Variants in SPTBN4 observed in about 807,000 individuals in gnomAD.
The protein encoded by SPTBN4 is spectrin beta, non-erythrocytic 4.
A neutral mutation model predicts 277.8 loss-of-function variants in SPTBN4; 96 were observed. That is an observed-to-expected ratio of 0.35 (90% confidence interval 0.29 to 0.41). The LOEUF (loss-of-function observed/expected upper bound fraction) is 0.41. Among genes scored for constraint, SPTBN4 ranks in the 10% least tolerant of loss-of-function variants. SPTBN4 has a pLI of 1.00. For missense variants in SPTBN4, 3,006 were observed against 3,595.7 expected, an observed-to-expected ratio of 0.84 and a Z score of 4.19; for synonymous variants, 1,481 against 1,580.3, an observed-to-expected ratio of 0.94 and a Z score of 1.49.
intron 22 of SPTBN4, among the ~76,000 whole-genome samples, chr19:40,552,161 T>C (rs2080924757): frequency 6.6e-6 from 1 of 151,290 alleles, no homozygotes; most frequent in Non-Finnish European, 1.5e-5. Flanking sequence ...CTACTAAAAA[T>C]GCAAAAAATT....
At chr19:40,541,278 G>C (rs970842951) in intron 20 of SPTBN4, among the ~76,000 whole-genome samples, 1 of 152,212 alleles carries the variant, frequency 6.6e-6, no homozygotes, top group Non-Finnish European at 1.5e-5. Flanking sequence ...GTTCAAGGGA[G>C]GGGCTGAAGC....
intron 2 of SPTBN4, among the ~76,000 whole-genome samples, chr19:40,474,462 A>T (rs1200257585): frequency 6.9e-6 from 1 of 145,030 alleles, no homozygotes; most frequent in Non-Finnish European, 1.5e-5. Context: ...TCAGGGTCTC[A>T]CTCTTCACCC....
chr19:40,511,374 C>T (rs2080389364), intron 13 of SPTBN4, among the ~76,000 whole-genome samples: 1 of 152,158 alleles, frequency 6.6e-6, no homozygotes, highest in Admixed American at 6.5e-5. Flanking sequence ...AGCCATTGCA[C>T]TCCAGCCCAG....
At position 40,519,550 on chromosome 19, in the gene SPTBN4, G is replaced by A; in HGVS notation, c.3053G>A (p.Gly1018Asp). The A allele has an allele frequency of 1.3e-6, 2 of 1,571,010 alleles. No individual in the cohort carries two copies. The highest frequency in any genetic ancestry group is 2.8e-5 in the African/African-American group (2 of 72,408). The change falls in exon 16 of 36, where the codon GGC (glycine) becomes GAC (aspartate). Residue 1018 changes from glycine to aspartate, a missense_variant. This residue lies in a region of SPTBN4 where 1,759 missense variants were observed against 2,061.5 expected (regional missense o/e 0.85). Coordinates refer to ENST00000598249, the MANE Select transcript of SPTBN4 (RefSeq NM_020971.3). The surrounding 1 kb of genome is among the most constrained non-coding windows in gnomAD (Gnocchi z 5.7). ...GTGGAGAGCGCGCCCCGGGCCGGCG[G>A]CGCCCTGCAGTGGCGTCTTAGCGGC... ...RAVESAPRAG[G>D]ALQWRLSGLE...
Position 40,572,486 on chromosome 19 carries a change from A to G in SPTBN4, c.7536+106A>G, listed in dbSNP as rs904853727. On this transcript the variant is annotated intron_variant, in intron 35 of 35. Coordinates refer to ENST00000598249, the MANE Select transcript of SPTBN4 (RefSeq NM_020971.3). ...CTGTGAGAAGGGACACTCACAGGCC[A>G]GAGTTATCAGGGCTGTAATGGGAAA... The G allele has an allele frequency of 1.6e-5, 22 of 1,384,084 alleles. No individual in the cohort carries two copies. The African/African-American group carries it at 2.7e-4, about 17-fold the overall frequency. 85.7% of individuals were successfully genotyped at this position (1,384,084 alleles called of 1,614,324 possible).
intron 1 of SPTBN4, among the ~76,000 whole-genome samples, chr19:40,467,636 G>C (rs1262146091): frequency 1.6e-5 from 2 of 125,070 alleles, no homozygotes; most frequent in African/African-American, 3.1e-5. Flanking sequence ...GGGGGGGGGG[G>C]TGTTGGGGGG....
In SPTBN4 at chr19:40,554,224, G is replaced by T. The variant is rs1038457189; in HGVS notation, c.4752G>T (p.Leu1584=). 4 of 1,507,248 alleles carry T rather than the reference G, an allele frequency of 2.7e-6. No homozygotes were observed. Among genetic ancestry groups the T allele is most frequent in the Non-Finnish European group, 3.5e-6 (4 of 1,137,290 alleles). The allele number at this position is 1,507,248 out of a possible 1,614,324, so 93.4% of individuals were successfully genotyped here. The part of the protein sequence containing the change: ...VLERAGALAS[L]RSPEAEAVRR... ...AGCGCGCGGGCGCGCTGGCGTCGCT[G>T]CGCAGCCCGGAGGCAGAGGCAGTGC... Residue 1584 remains leucine (L), a synonymous_variant, in exon 23 of 36, where the codon CTG becomes CTT. Coordinates refer to ENST00000598249, the MANE Select transcript of SPTBN4 (RefSeq NM_020971.3). This position sits in a 1 kb window ranked among gnomAD's most constrained non-coding sequence, Gnocchi z 5.7.
intron 19 of SPTBN4, among the ~76,000 whole-genome samples, chr19:40,533,665 T>C (rs1428344101): frequency 6.6e-6 from 1 of 151,962 alleles, no homozygotes; most frequent in Non-Finnish European, 1.5e-5. Flanking sequence ...GCTCCCTCTA[T>C]CTTTCTTTCC....
At chr19:40,521,830 A>G (rs2080530081) in intron 16 of SPTBN4, among the ~76,000 whole-genome samples, 1 of 152,192 alleles carries the variant, frequency 6.6e-6, no homozygotes, top group Non-Finnish European at 1.5e-5. Context: ...CATTTAAAAA[A>G]TAGAGACAGG....
intron 3 of SPTBN4, 94 bp downstream of exon 3, chr19:40,487,942 C>G: frequency 7.2e-7 from 1 of 1,388,706 alleles, no homozygotes; most frequent in Non-Finnish European, 9.5e-7. Context: ...CAAGCAGGGG[C>G]CTGGCTCATG....
chr19:40,528,055 CAAAAAA>C (rs751179742), intron 17 of SPTBN4, among the ~76,000 whole-genome samples: 2 of 33,652 alleles, frequency 5.9e-5, no homozygotes, highest in Non-Finnish European at 1.0e-4. Context: ...GACTCCATCT[CAAAAAA>C]AAAAAAAAAA....
At chr19:40,497,895 A>G (rs2090859697) in intron 7 of SPTBN4, among the ~76,000 whole-genome samples, 1 of 148,708 alleles carries the variant, frequency 6.7e-6, no homozygotes, top group Non-Finnish European at 1.5e-5. Context: ...CCCATCCCCA[A>G]CACCCTCCCC....
chr19:40,565,590 G>C (rs766041188), intron 28 of SPTBN4, 29 bp downstream of exon 28: 17 of 1,603,396 alleles, frequency 1.1e-5, no homozygotes, highest in African/African-American at 1.3e-5. Context: ...GTCCCCCTCT[G>C]CCACCCGGGC....
At chr19:40,568,982 T>A (rs577415622) in intron 31 of SPTBN4, among the ~76,000 whole-genome samples, 3 of 152,104 alleles carry the variant, frequency 2.0e-5, no homozygotes, top group African/African-American at 7.2e-5. Flanking sequence ...TCCCTGACTT[T>A]AGAGACTCAC....
Position 40,557,233 on chromosome 19 carries a change from C to T in SPTBN4, c.5500C>T (p.Arg1834Trp), listed in dbSNP as rs554419213. The change falls in exon 26 of 36, where the codon CGG becomes TGG. Residue 1834 changes from arginine (R) to tryptophan (W), a missense_variant. Physicochemically the swap from Arg to Trp is moderately radical, Grantham distance 101 (BLOSUM62 -3). Around this residue, in one of 5 missense-constraint regions of SPTBN4, gnomAD observed 425 missense variants for 594.7 expected, o/e 0.71. Coordinates refer to ENST00000598249, the MANE Select transcript of SPTBN4 (RefSeq NM_020971.3). The stretch of plus-strand genomic sequence containing the variant: ...ACGGGCCCAGCTGCTGGCCGCCTCT[C>T]GGGAGCTTCATAAGTTCTTCAGTGA... ...GTRAQLLAAS[R>W]ELHKFFSDAR... The T allele has an allele frequency of 2.3e-5, 37 of 1,612,400 alleles. 1 individual carries two copies. Among genetic ancestry groups the T allele is most frequent in the South Asian group, 6.6e-5 (6 of 90,984 alleles).
intron 2 of SPTBN4, 22 bp from the exon 3 acceptor site, chr19:40,487,675 C>A (rs1047594398): frequency 1.9e-6 from 3 of 1,598,000 alleles, no homozygotes; most frequent in African/African-American, 2.7e-5. Flanking sequence ...CGCCTGGGGG[C>A]TCATCAGGGC....
At chr19:40,526,652 A>G (rs534034989) in intron 17 of SPTBN4, among the ~76,000 whole-genome samples, 1 of 152,148 alleles carries the variant, frequency 6.6e-6, no homozygotes, top group African/African-American at 2.4e-5. Context: ...TGGTGCGATC[A>G]CTGCTCACTG....
intron 32 of SPTBN4, among the ~76,000 whole-genome samples, chr19:40,569,961 C>CACACACACACACACACACACACACAG (rs1568382022): frequency 2.7e-5 from 4 of 145,774 alleles, no homozygotes; most frequent in African/African-American, 1.1e-4. Flanking sequence ...CACACACACA[C>CACACACACACACACACACACACACAG]ACACACACAC....
At chr19:40,504,156 C>CTGGG in intron 12 of SPTBN4, 24 bp downstream of exon 12, 9 of 889,436 alleles carry the variant, frequency 1.0e-5, no homozygotes, top group Non-Finnish European at 1.4e-5. Flanking sequence ...GGCGGGGATG[C>CTGGG]GGGTGGAGTG....
Sources: allele counts gnomAD v4.1 joint callset (sites outside exome capture counted in the v4.1 genomes callset), GRCh38; gene constraint gnomAD v4.1.1; regional missense constraint gnomAD v4.1.1; non-coding constraint Gnocchi (gnomAD v3.1); transcripts MANE v1.5; gene names NCBI Gene and HGNC (gene_info 2026-07-23, HGNC 2026-07-21).